Variants in SLC13A1 observed in about 807,000 individuals in gnomAD.
SLC13A1 encodes Na(+)/sulfate cotransporter.
A neutral mutation model predicts 70.0 loss-of-function variants in SLC13A1; 65 were observed. The observed-to-expected ratio is 0.93, with a 90% CI of 0.76 to 1.14. The LOEUF (loss-of-function observed/expected upper bound fraction) is 1.14, where lower values mean the gene tolerates loss of function less well. SLC13A1 is among the 50% of genes most tolerant of loss of function. The pLI, the probability that SLC13A1 is intolerant of heterozygous loss-of-function variation, is 0.00. For synonymous variants in SLC13A1, 275 were observed against 250.5 expected (o/e 1.10, Z -0.92); for missense variants, 726 against 717.8 (o/e 1.01, Z -0.13).
intron 2 of SLC13A1, among the ~76,000 whole-genome samples, chr7:123,175,224 A>T: frequency 6.6e-6 from 1 of 152,184 alleles, no homozygotes; most frequent in East Asian, 1.9e-4. Flanking sequence ...AAAGTATTAT[A>T]GATGCTTGAA....
chr7:123,147,296 T>C lies in SLC13A1; in HGVS notation c.675A>G (p.Arg225=), dbSNP rs753969656. The C allele has an allele frequency of 4.3e-6, 7 of 1,613,440 alleles. No individual in the cohort carries two copies. The highest frequency in any genetic ancestry group is 5.9e-6 in the Non-Finnish European group (7 of 1,179,716). ...GGCCCTTCTTTGTTCGATATTTGGT[T>C]CTCATGCCTGAGTTCTGTTCAACAA... The part of the protein sequence containing the change: ...KVELEKNSGM[R]TKYRTKKGHV... The change falls in exon 7 of 15, where the codon AGA becomes AGG. Residue 225 remains arginine (R), a synonymous_variant. Transcript: ENST00000194130.
At chr7:123,140,529 G>T (rs1218820109) in intron 7 of SLC13A1, among the ~76,000 whole-genome samples, 2 of 151,974 alleles carry the variant, frequency 1.3e-5, no homozygotes, top group African/African-American at 4.8e-5. Context: ...TATTTGGAAG[G>T]ATTCAGCAGT....
chr7:123,152,620 A>T (rs958118271), intron 6 of SLC13A1, among the ~76,000 whole-genome samples: 4 of 152,100 alleles, frequency 2.6e-5, no homozygotes, highest in Non-Finnish European at 5.9e-5. Context: ...GTCATCATAG[A>T]TATGAAAATG....
rs1311977715 is a variant in SLC13A1, at chr7:123,147,234, T to G, written c.737A>C (p.Tyr246Ser). The change falls in exon 7 of 15, where the codon TAC becomes TCC. Residue 246 changes from tyrosine (Y) to serine (S), a missense_variant. Coordinates refer to ENST00000194130, the MANE Select transcript of SLC13A1 (RefSeq NM_022444.4). Reference sequence around the variant, plus strand: ...TGTCAGTCCACCAATGGTAGAAGAGTAGGCAATGCACAAACACGTAAGTTT... The same window carrying G: ...TGTCAGTCCACCAATGGTAGAAGAGGAGGCAATGCACAAACACGTAAGTTT... ...TRKLTCLCIA[Y>S]SSTIGGLTTI... is the part of the protein sequence containing the mutation. 3 of 1,613,612 alleles carry G rather than the reference T, an allele frequency of 1.9e-6. No homozygotes were observed. In the East Asian group the frequency reaches 6.7e-5, roughly 36 times the overall value.
At chr7:123,125,461 G>T in intron 11 of SLC13A1, 108 bp downstream of exon 11, 2 of 750,122 alleles carry the variant, frequency 2.7e-6, no homozygotes, top group Non-Finnish European at 2.3e-6. Context: ...GCCAGGGATT[G>T]TGCCAGCATA....
chr7:123,198,309 CAGGGTGGGAGGGAA>C (rs1796246901), intron 1 of SLC13A1, among the ~76,000 whole-genome samples: 1 of 121,474 alleles, frequency 8.2e-6, no homozygotes, highest in South Asian at 2.3e-4. Flanking sequence ...GTGGGAGTGG[CAGGGTGGGAGGGAA>C]AGGGTTAGTC....
At chr7:123,160,452 A>ATT (rs1794853664) in intron 6 of SLC13A1, among the ~76,000 whole-genome samples, 1 of 152,146 alleles carries the variant, frequency 6.6e-6, no homozygotes, top group African/African-American at 2.4e-5. Flanking sequence ...GAGGAACCAA[A>ATT]ATGGACAGAA....
intron 11 of SLC13A1, among the ~76,000 whole-genome samples, chr7:123,124,580 T>G (rs935459933): frequency 1.3e-5 from 2 of 152,076 alleles, no homozygotes; most frequent in Non-Finnish European, 2.9e-5. Context: ...TTCCAGACAA[T>G]TACAAATTAG....
intron 6 of SLC13A1, among the ~76,000 whole-genome samples, chr7:123,152,987 T>C (rs1247746322): frequency 2.6e-5 from 4 of 152,144 alleles, no homozygotes; most frequent in Admixed American, 6.6e-5. Flanking sequence ...TTGAATATTA[T>C]TAAATTGATA....
At chr7:123,191,160 T>A (rs1291554907) in intron 1 of SLC13A1, among the ~76,000 whole-genome samples, 1 of 152,086 alleles carries the variant, frequency 6.6e-6, no homozygotes, top group South Asian at 2.1e-4. Flanking sequence ...TTCAGATGGG[T>A]CTTATCTTGA....
At position 123,125,551 on chromosome 7, in the gene SLC13A1, T is replaced by G; in HGVS notation, c.1240+18A>C. ...GCTCTTCTGTTAAATTTATGCAGAA[T>G]TATAAATGATACTCAACCAATTTCT... On this transcript the variant is annotated intron_variant, in intron 11 of 14. Transcript: ENST00000194130. 1 of 1,541,722 alleles carries G rather than the reference T, an allele frequency of 6.5e-7. No individual in the cohort carries two copies.
intron 1 of SLC13A1, among the ~76,000 whole-genome samples, chr7:123,189,450 T>G (rs997848059): frequency 1.3e-5 from 2 of 152,162 alleles, no homozygotes; most frequent in Admixed American, 1.3e-4. Context: ...ATTTCTAACC[T>G]TTCAATAAGG....
intron 6 of SLC13A1, among the ~76,000 whole-genome samples, chr7:123,158,400 T>G (rs556982857): frequency 6.6e-6 from 1 of 151,892 alleles, no homozygotes. Context: ...AAGAGAAAAT[T>G]AACTAGCTGG....
Position 123,199,839 on chromosome 7 carries a change from T to G in SLC13A1, c.99+9A>C. The G allele has an allele frequency of 6.3e-7, 1 of 1,593,008 alleles. No homozygotes were observed. Among genetic ancestry groups the G allele is most frequent in the Non-Finnish European group, 8.6e-7 (1 of 1,161,802 alleles). On this transcript the variant is annotated intron_variant, in intron 1 of 14. Coordinates refer to ENST00000194130, the MANE Select transcript of SLC13A1 (RefSeq NM_022444.4). Reference sequence around the variant, plus strand: ...GAAATCCACCAGTCTGTTCTCCAGGTTCACTCACCTTGGTGTGGAGGACGA... The same window carrying G: ...GAAATCCACCAGTCTGTTCTCCAGGGTCACTCACCTTGGTGTGGAGGACGA...
intron 3 of SLC13A1, among the ~76,000 whole-genome samples, chr7:123,170,608 G>A (rs903086966): frequency 6.9e-6 from 1 of 144,610 alleles, no homozygotes; most frequent in Non-Finnish European, 1.5e-5. Flanking sequence ...GTCAGATGAC[G>A]TCGTTTTGGT....
At chr7:123,181,264 G>T in intron 1 of SLC13A1, 163 bp from the exon 2 acceptor site, 1 of 585,184 alleles carries the variant, frequency 1.7e-6, no homozygotes. Context: ...TTTCTTAGAA[G>T]TTCTAAGAAG....
intron 1 of SLC13A1, among the ~76,000 whole-genome samples, chr7:123,192,533 G>A (rs1201164357): frequency 6.6e-6 from 1 of 152,116 alleles, no homozygotes; most frequent in Non-Finnish European, 1.5e-5. Flanking sequence ...ATATTAGGGA[G>A]TAATTTGGCT....
At chr7:123,117,673 A>G in intron 13 of SLC13A1, 65 bp from the exon 14 acceptor site, 2 of 1,074,918 alleles carry the variant, frequency 1.9e-6, no homozygotes. Flanking sequence ...CATAAAAAAA[A>G]AAAAAGTATT....
chr7:123,134,369 G>C, intron 8 of SLC13A1, 41 bp downstream of exon 8: 1 of 1,590,824 alleles, frequency 6.3e-7, no homozygotes, highest in Non-Finnish European at 8.6e-7. Flanking sequence ...TGGGAACCTA[G>C]ACACCTTTAT....
Sources: allele counts gnomAD v4.1 joint callset (sites outside exome capture counted in the v4.1 genomes callset), GRCh38; gene constraint gnomAD v4.1.1; transcripts MANE v1.5; gene names NCBI Gene and HGNC (gene_info 2026-07-23, HGNC 2026-07-21).